Variants in ANKS1B observed in about 807,000 individuals in gnomAD.
ANKS1B encodes ankyrin repeat and sterile alpha motif domain-containing protein 1B.
ANKS1B carries 36 observed loss-of-function variants against 148.3 expected under a neutral mutation model. The ratio of observed to expected loss-of-function variants is 0.24; its 90% CI spans 0.19 to 0.32. The LOEUF is 0.32. ANKS1B is among the 10% of genes least tolerant of loss of function. The pLI is 1.00. For missense variants in ANKS1B, 1,157 were observed against 1,542.6 expected (o/e 0.75, Z 4.19); for synonymous variants, 542 against 560.8 (o/e 0.97, Z 0.47).
intron 9 of ANKS1B, among the ~76,000 whole-genome samples, chr12:99,599,008 G>A (rs899394069): frequency 3.3e-5 from 5 of 151,744 alleles, no homozygotes; most frequent in Admixed American, 1.3e-4. Context: ...AGCATCCCCT[G>A]GCTTGTAATC....
At chr12:99,856,953 A>G (rs1352497502) in intron 1 of ANKS1B, among the ~76,000 whole-genome samples, 2 of 152,194 alleles carry the variant, frequency 1.3e-5, no homozygotes, top group Non-Finnish European at 2.9e-5. Flanking sequence ...TGTTGAAAGC[A>G]TTACTGCTAA....
intron 9 of ANKS1B, among the ~76,000 whole-genome samples, chr12:99,646,586 G>A (rs1007509746): frequency 7.3e-5 from 11 of 150,396 alleles, no homozygotes; most frequent in Admixed American, 2.7e-4. Flanking sequence ...CCCAGGAGGC[G>A]GAGGTTGCAG....
At chr12:99,505,231 C>T (rs1046180883) in intron 9 of ANKS1B, among the ~76,000 whole-genome samples, 10 of 152,046 alleles carry the variant, frequency 6.6e-5, no homozygotes, top group Admixed American at 2.6e-4. Context: ...AGAATGGCAA[C>T]AGAAGGATAA....
At chr12:98,993,667 G>A (rs901454746) in intron 17 of ANKS1B, among the ~76,000 whole-genome samples, 4 of 152,214 alleles carry the variant, frequency 2.6e-5, no homozygotes, top group African/African-American at 9.6e-5. Context: ...ACAGTGAGCT[G>A]TAGGCAAGAT....
At chr12:99,222,457 A>G (rs1255742529) in intron 14 of ANKS1B, among the ~76,000 whole-genome samples, 1 of 152,134 alleles carries the variant, frequency 6.6e-6, no homozygotes, top group Non-Finnish European at 1.5e-5. Flanking sequence ...TCTACCAAAA[A>G]TACAAAAAAT....
At chr12:99,344,765 T>C (rs1011840993) in intron 12 of ANKS1B, 1 of 152,028 alleles carries the variant, frequency 6.6e-6, no homozygotes, top group African/African-American at 2.4e-5. Context: ...TTCAAATGTA[T>C]TAATATTTCA....
At chr12:99,653,809 G>A (rs998679117) in intron 9 of ANKS1B, among the ~76,000 whole-genome samples, 3 of 151,352 alleles carry the variant, frequency 2.0e-5, no homozygotes, top group African/African-American at 7.3e-5. Flanking sequence ...GGCTATGGGT[G>A]TGTACTACCA....
At chr12:99,544,600 G>A (rs906491230) in intron 9 of ANKS1B, among the ~76,000 whole-genome samples, 2 of 152,086 alleles carry the variant, frequency 1.3e-5, no homozygotes, top group African/African-American at 2.4e-5. Context: ...CCTATGAGCT[G>A]AACTAAGCAT....
At chr12:98,854,302 G>C (rs151018830) in intron 17 of ANKS1B, among the ~76,000 whole-genome samples, 159 of 152,336 alleles carry the variant, frequency 1.0e-3, no homozygotes, top group Non-Finnish European at 1.7e-3. Context: ...AAATGGTACT[G>C]TATGGAACAA....
chr12:98,900,273 A>G (rs1213724327), intron 17 of ANKS1B, among the ~76,000 whole-genome samples: 1 of 152,232 alleles, frequency 6.6e-6, no homozygotes, highest in Non-Finnish European at 1.5e-5. Flanking sequence ...TTGGAGGAAG[A>G]AATACGCTCA....
At chr12:99,392,643 T>C (rs1471346145) in intron 12 of ANKS1B, among the ~76,000 whole-genome samples, 8 of 152,230 alleles carry the variant, frequency 5.3e-5, no homozygotes, top group Non-Finnish European at 7.3e-5. Context: ...CACAGCTTTC[T>C]ATAAAGATAG....
chr12:99,133,409 C>A (rs1191602294), intron 15 of ANKS1B, among the ~76,000 whole-genome samples: 1 of 152,092 alleles, frequency 6.6e-6, no homozygotes, highest in Non-Finnish European at 1.5e-5. Context: ...TTAGTGTTAA[C>A]CCCTTCATAA....
chr12:99,570,985 T>C (rs1453212850), intron 9 of ANKS1B, among the ~76,000 whole-genome samples: 1 of 152,162 alleles, frequency 6.6e-6, no homozygotes, highest in Non-Finnish European at 1.5e-5. Context: ...TTTTAAGTGC[T>C]GAGACTTTCT....
chr12:99,407,913 T>A lies in ANKS1B; in HGVS notation c.1576-8102A>T, dbSNP rs961696303. On this transcript the variant is annotated intron_variant, in intron 11 of 26. Transcript: ENST00000683438. The stretch of plus-strand genomic sequence containing the variant: ...TGGTAGAATAAACACTGTTAAAATA[T>A]CCATACTACCTAAAGCAATCTACAG... 8.9e-5 allele frequency among the ~76,000 whole-genome samples: 13 copies of A among 145,972 alleles called. 3 individuals are homozygous for A. Among genetic ancestry groups the A allele is most frequent in the African/African-American group, 3.4e-4 (13 of 38,532 alleles).
chr12:99,444,401 C>A (rs1393471639), intron 10 of ANKS1B, among the ~76,000 whole-genome samples: 1 of 151,846 alleles, frequency 6.6e-6, no homozygotes, highest in African/African-American at 2.4e-5. Context: ...AGTATAGCAA[C>A]CTATGTGGTC....
intron 1 of ANKS1B, among the ~76,000 whole-genome samples, chr12:99,969,218 G>T (rs561180363): frequency 6.6e-6 from 1 of 151,886 alleles, no homozygotes; most frequent in Non-Finnish European, 1.5e-5. Flanking sequence ...TTTTCTTTTT[G>T]CCCAGGCTGG....
At chr12:99,494,732 C>CAAA (rs59115173) in intron 10 of ANKS1B, among the ~76,000 whole-genome samples, 567 of 55,978 alleles carry the variant, frequency 0.01, 35 homozygotes, top group East Asian at 0.049. Context: ...CACTCTGTCT[C>CAAA]AAAAAAAAAA....
Position 99,822,753 on chromosome 12 carries a change from G to A in ANKS1B, c.215+2556C>T, listed in dbSNP as rs80348556. Among the ~76,000 whole-genome samples the A allele has an allele frequency of 9.9e-3, 1,502 of 152,244 alleles. 22 individuals are homozygous for A. Among genetic ancestry groups the A allele is most frequent in the African/African-American group, 0.034 (1,405 of 41,556 alleles). On this transcript the variant is annotated intron_variant, in intron 2 of 26. Coordinates refer to ENST00000683438, the MANE Select transcript of ANKS1B (RefSeq NM_001352186.2). ...TGAATAGTGCTGCAATGAGCATGCA[G>A]GTGCTTGTGTCTTTTTGATAGAACA... is the stretch of plus-strand genomic sequence containing the variant.
intron 8 of ANKS1B, among the ~76,000 whole-genome samples, chr12:99,764,249 C>A (rs1260707966): frequency 6.6e-6 from 1 of 151,820 alleles, no homozygotes; most frequent in Non-Finnish European, 1.5e-5. Context: ...TAGGCAAAGT[C>A]AAAAAAGATG....
Sources: allele counts gnomAD v4.1 joint callset (sites outside exome capture counted in the v4.1 genomes callset), GRCh38; gene constraint gnomAD v4.1.1; transcripts MANE v1.5; gene names NCBI Gene and HGNC (gene_info 2026-07-23, HGNC 2026-07-21).